Variants in GFRA1 observed in about 807,000 individuals in gnomAD.
GFRA1 encodes GDNF family receptor alpha 1, also known as GDNF family receptor alpha-1.
A neutral mutation model predicts 51.6 loss-of-function variants in GFRA1; 16 were observed. That is an observed-to-expected ratio of 0.31 (90% confidence interval 0.21 to 0.47). The LOEUF (loss-of-function observed/expected upper bound fraction) is 0.47, where lower values mean the gene tolerates loss of function less well. Ranked by LOEUF, GFRA1 falls within the 20% of genes least tolerant of loss-of-function variation. GFRA1 has a pLI of 1.00. For synonymous variants in GFRA1, 270 were observed against 241.3 expected (o/e 1.12, Z -1.10); for missense variants, 530 against 594.3 (o/e 0.89, Z 1.13).
At position 116,270,853 on chromosome 10, in the gene GFRA1, G is replaced by A. The variant is rs1298235877; in HGVS notation, c.303C>T (p.Arg101=). ...GGCTCTGGTACATGCTCCAGTAAAT[G>A]CGCAGGCAGTTCTTCTCCTTCTTCA... ...RGMKKEKNCL[R]IYWSMYQSLQ... Residue 101 remains arginine, a synonymous_variant, in exon 3 of 11, where the codon CGC becomes CGT. Transcript: ENST00000355422. 1.2e-6 allele frequency: 2 copies of A among 1,613,808 alleles called. No individual in the cohort carries two copies. The highest frequency in any genetic ancestry group is 1.7e-6 in the Non-Finnish European group (2 of 1,180,012).
chr10:116,185,683 A>G (rs1962637570), intron 5 of GFRA1, among the ~76,000 whole-genome samples: 1 of 152,128 alleles, frequency 6.6e-6, no homozygotes, highest in Non-Finnish European at 1.5e-5. Flanking sequence ...ATCTGCTCCC[A>G]TGCGTGGCTT....
chr10:116,062,123 T>C lies in GFRA1; in HGVS notation c.*2275A>G, dbSNP rs1954847294. 2.5e-6 allele frequency: 1 copy of C among 398,434 alleles called. No homozygotes were observed. The highest frequency in any genetic ancestry group is 2.1e-5 in the African/African-American group (1 of 48,620). 24.7% of individuals were successfully genotyped at this position (398,434 alleles called of 1,614,324 possible). A position where few individuals can be genotyped will look rare whatever the true frequency, so the allele number is the denominator to read the frequency against. ...AGGCTGCCCTTGTTAGCGCTGAAAC[T>C]CCCATTTCCGCTTTGGTCATCTGAT... On this transcript the variant is annotated 3_prime_UTR_variant, in exon 11 of 11. Transcript: ENST00000355422.
intron 5 of GFRA1, among the ~76,000 whole-genome samples, chr10:116,169,848 G>A (rs1436493691): frequency 1.3e-5 from 2 of 152,146 alleles, no homozygotes; most frequent in Admixed American, 1.3e-4. Context: ...ACTGAGCTGT[G>A]TAACACTTAG....
chr10:116,195,643 A>T (rs1963671727), intron 5 of GFRA1, among the ~76,000 whole-genome samples: 1 of 152,314 alleles, frequency 6.6e-6, no homozygotes, highest in Middle Eastern at 3.4e-3. Context: ...CTGGTTTCTA[A>T]CAGGCCATGG....
intron 5 of GFRA1, among the ~76,000 whole-genome samples, chr10:116,155,790 G>A (rs1365197631): frequency 1.3e-5 from 2 of 152,106 alleles, no homozygotes; most frequent in East Asian, 1.9e-4. Context: ...CTGGACACAC[G>A]CCGGAGCCAC....
rs551774537 is a variant in GFRA1 at position 116,089,573 on chromosome 10, C to T, written c.1197+168G>A. 1.3e-4 allele frequency among the ~76,000 whole-genome samples: 20 copies of T among 152,202 alleles called. No homozygotes were observed. The South Asian group carries it at 2.9e-3, about 22-fold the overall frequency. On this transcript the variant is annotated intron_variant, in intron 9 of 10. Coordinates refer to ENST00000355422, the MANE Select transcript of GFRA1 (RefSeq NM_005264.8). ...ATAGTCGGACTTTCTCTGCACTATA[C>T]GACAGGTCACAATCTTCACTGGTTG...
intron 4 of GFRA1, among the ~76,000 whole-genome samples, chr10:116,238,042 T>C (rs908220507): frequency 6.6e-6 from 1 of 152,160 alleles, no homozygotes; most frequent in South Asian, 2.1e-4. Flanking sequence ...CCTCAACTGC[T>C]TCCAAATGCG....
chr10:116,273,289 GAAAAGAAAA>G (rs1376167764), upstream of GFRA1: 1 of 75,920 alleles, frequency 1.3e-5, no homozygotes, highest in Non-Finnish European at 3.6e-5. Flanking sequence ...TCTGCGCTAG[GAAAAGAAAA>G]AAAAGAAAAA....
intron 5 of GFRA1, among the ~76,000 whole-genome samples, chr10:116,129,690 A>G (rs568978184): frequency 2.0e-5 from 3 of 152,256 alleles, no homozygotes; most frequent in Non-Finnish European, 2.9e-5. Flanking sequence ...AGAAATAATA[A>G]GTGAGTTTAG....
intron 2 of GFRA1, 84 bp downstream of exon 2, chr10:116,271,906 G>A: frequency 9.4e-7 from 1 of 1,062,284 alleles, no homozygotes; most frequent in South Asian, 1.3e-5. Flanking sequence ...CCCCAATTTT[G>A]GTGCGGAGGG....
intron 6 of GFRA1, among the ~76,000 whole-genome samples, chr10:116,098,839 T>G (rs1409685172): frequency 6.6e-6 from 1 of 152,336 alleles, no homozygotes; most frequent in Non-Finnish European, 1.5e-5. Flanking sequence ...AATGAAAGGC[T>G]AATTGAGTCA....
rs779822225 is a variant in GFRA1, at chr10:116,089,823, C to G, written c.1115G>C (p.Arg372Pro). 2 of 1,614,072 alleles carry G rather than the reference C, an allele frequency of 1.2e-6. No homozygotes were observed. Among genetic ancestry groups the G allele is most frequent in the Non-Finnish European group, 8.5e-7 (1 of 1,179,980 alleles). Residue 372 changes from arginine (R) to proline (P), a missense_variant, in exon 9 of 11, where the codon CGG becomes CCG. Transcript: ENST00000355422. ...TGGCCCCAGGGGCTTGTTCTTAACC[C>G]GGAGGGCAGTGGTGGTAGTGGCAGT... ...TTTATTTTAL[R>P]VKNKPLGPAG...
rs986896263 is a variant in GFRA1, at chr10:116,063,972, T to C, written c.*426A>G. 2 of 187,042 alleles carry C rather than the reference T, an allele frequency of 1.1e-5. No individual in the cohort carries two copies. The highest frequency in any genetic ancestry group is 1.1e-4 in the South Asian group (1 of 9,212). 11.6% of individuals were successfully genotyped at this position (187,042 alleles called of 1,614,324 possible). A position where few individuals can be genotyped will look rare whatever the true frequency, so the allele number is the denominator to read the frequency against. On this transcript the variant is annotated 3_prime_UTR_variant, in exon 11 of 11. Transcript: ENST00000355422. ...GAAATCAATGTCATTAAAGGAGATA[T>C]GGGAGTTACCTTAGAAATATTAACT... is the stretch of plus-strand genomic sequence containing the variant.
intron 6 of GFRA1, among the ~76,000 whole-genome samples, chr10:116,118,277 T>C (rs932683199): frequency 6.6e-6 from 1 of 152,198 alleles, no homozygotes; most frequent in Non-Finnish European, 1.5e-5. Flanking sequence ...GCTTCCTAAC[T>C]TGATCGCAGC....
intron 5 of GFRA1, among the ~76,000 whole-genome samples, chr10:116,175,428 G>A (rs892030572): frequency 6.6e-6 from 1 of 152,178 alleles, no homozygotes; most frequent in African/African-American, 2.4e-5. Context: ...CTTCCGCCAA[G>A]GACAGAAGGA....
chr10:116,094,305 G>A lies in GFRA1; in HGVS notation c.881-469C>T, dbSNP rs147365502. ...ATAGGGAAGCTAGAAGCTTCCTAGCGGTTAGCCTGCACCCTGAGTGTATAT... is the reference window on the plus strand; with the variant it reads ...ATAGGGAAGCTAGAAGCTTCCTAGCAGTTAGCCTGCACCCTGAGTGTATAT... On this transcript the variant is annotated intron_variant, in intron 7 of 10. Transcript: ENST00000355422. 1.6e-4 allele frequency among the ~76,000 whole-genome samples: 24 copies of A among 152,234 alleles called. No individual in the cohort carries two copies. The East Asian group carries it at 3.5e-3, about 22-fold the overall frequency.
chr10:116,072,593 C>G (rs567788613), intron 9 of GFRA1, among the ~76,000 whole-genome samples: 1 of 152,188 alleles, frequency 6.6e-6, no homozygotes, highest in South Asian at 2.1e-4. Flanking sequence ...AAACCCATCT[C>G]TCCTAAAAAT....
In GFRA1 at chr10:116,152,184, A is replaced by G. The variant is rs532071269; in HGVS notation, c.434-26627T>C. Among the ~76,000 whole-genome samples the G allele has an allele frequency of 6.6e-5, 10 of 152,320 alleles. No individual in the cohort carries two copies. In the South Asian group the frequency reaches 2.1e-3, roughly 32 times the overall value. ...GCAATGGGAAATCACGATTCGATTC[A>G]TGTTTTAAAGAGATAATTTTAATGG... On this transcript the variant is annotated intron_variant, in intron 5 of 10. Transcript: ENST00000355422.
intron 4 of GFRA1, among the ~76,000 whole-genome samples, chr10:116,226,346 T>C (rs530646963): frequency 7.2e-5 from 11 of 152,256 alleles, no homozygotes; most frequent in Non-Finnish European, 1.0e-4. Flanking sequence ...GACTGCACCC[T>C]CGAAGAGTCA....
Sources: allele counts gnomAD v4.1 joint callset (sites outside exome capture counted in the v4.1 genomes callset), GRCh38; gene constraint gnomAD v4.1.1; transcripts MANE v1.5; gene names NCBI Gene and HGNC (gene_info 2026-07-23, HGNC 2026-07-21).